ZNF892: variants seen among roughly 807,000 people sequenced by gnomAD.
ZNF892 encodes the protein zinc finger protein 892.
chr2:95,251,027 T>C, the ZNF892 span, among the ~76,000 whole-genome samples: 2 of 150,070 alleles, frequency 1.3e-5, no homozygotes, highest in Non-Finnish European at 3.0e-5. Flanking sequence ...ATTTATGTAA[T>C]AAATGCTTAA....
the ZNF892 span, among the ~76,000 whole-genome samples, chr2:95,247,452 A>G: frequency 6.6e-6 from 1 of 152,178 alleles, no homozygotes; most frequent in Admixed American, 6.5e-5. Context: ...GCCTCAGGAA[A>G]GAATATATGA....
At chr2:95,229,371 C>T in the ZNF892 span, among the ~76,000 whole-genome samples, 1 of 152,064 alleles carries the variant, frequency 6.6e-6, no homozygotes, top group Non-Finnish European at 1.5e-5. Flanking sequence ...AACAACTAAC[C>T]ATACAGACCC....
chr2:95,231,036 A>T, the ZNF892 span, among the ~76,000 whole-genome samples: 2 of 152,212 alleles, frequency 1.3e-5, no homozygotes, highest in African/African-American at 4.8e-5. Context: ...AAATGGTTTG[A>T]TAATTTCTTA....
the ZNF892 span, among the ~76,000 whole-genome samples, chr2:95,208,237 A>G: frequency 2.6e-5 from 4 of 152,162 alleles, no homozygotes; most frequent in African/African-American, 9.7e-5. Context: ...CATAAGACGC[A>G]TCACTTTTCT....
the ZNF892 span, among the ~76,000 whole-genome samples, chr2:95,213,702 T>C: frequency 6.6e-6 from 1 of 152,254 alleles, no homozygotes; most frequent in East Asian, 1.9e-4. Flanking sequence ...ATAAGCTTTG[T>C]GGTCATTTGA....
At chr2:95,249,397 C>T in the ZNF892 span, among the ~76,000 whole-genome samples, 1 of 148,744 alleles carries the variant, frequency 6.7e-6, no homozygotes, top group East Asian at 2.0e-4. Flanking sequence ...CCCGCCACCA[C>T]TCCTGGCTAT....
At chr2:95,257,822 G>A in the ZNF892 span, among the ~76,000 whole-genome samples, 1 of 152,152 alleles carries the variant, frequency 6.6e-6, no homozygotes, top group Non-Finnish European at 1.5e-5. Context: ...TCAGACTGCT[G>A]TGCTAGCAAT....
chr2:95,245,751 A>G, the ZNF892 span, among the ~76,000 whole-genome samples: 1 of 152,168 alleles, frequency 6.6e-6, no homozygotes, highest in African/African-American at 2.4e-5. Flanking sequence ...TATGCACATA[A>G]ACTAGAAAAT....
chr2:95,259,147 G>A, the ZNF892 span: 8 of 152,256 alleles, frequency 5.3e-5, no homozygotes, highest in South Asian at 2.1e-4. Context: ...CACCTTTCAC[G>A]TGGGAGTTTT....
chr2:95,212,785 C>G, the ZNF892 span, among the ~76,000 whole-genome samples: 1 of 152,148 alleles, frequency 6.6e-6, no homozygotes, highest in Non-Finnish European at 1.5e-5. Context: ...TGACCTTTAA[C>G]AAATGACTTG....
the ZNF892 span, among the ~76,000 whole-genome samples, chr2:95,258,010 G>A: frequency 6.1e-4 from 93 of 152,238 alleles, no homozygotes; most frequent in Non-Finnish European, 1.2e-3. Context: ...GACCCCTTGC[G>A]CTTCCCGGGT....
chr2:95,216,486 A>AT, the ZNF892 span, among the ~76,000 whole-genome samples: 34 of 152,206 alleles, frequency 2.2e-4, no homozygotes, highest in African/African-American at 7.9e-4. Flanking sequence ...TGTACCTTAG[A>AT]TTTTTTTATA....
At chr2:95,214,642 A>C in the ZNF892 span, 1 of 400,872 alleles carries the variant, frequency 2.5e-6, no homozygotes, top group East Asian at 3.6e-5. Flanking sequence ...AATAACTTAA[A>C]ACAAAATTCA....
the ZNF892 span, among the ~76,000 whole-genome samples, chr2:95,235,186 A>G: frequency 1.3e-5 from 2 of 152,306 alleles, no homozygotes; most frequent in South Asian, 2.1e-4. Flanking sequence ...AGACTTTCAC[A>G]AAGATTAATA....
chr2:95,229,168 C>T, the ZNF892 span, among the ~76,000 whole-genome samples: 125 of 152,300 alleles, frequency 8.2e-4, no homozygotes, highest in Non-Finnish European at 2.9e-4. Flanking sequence ...GAGGCTGTGT[C>T]ATGGGCATGT....
chr2:95,262,401 G>A, the ZNF892 span, among the ~76,000 whole-genome samples: 2 of 152,136 alleles, frequency 1.3e-5, no homozygotes, highest in Non-Finnish European at 2.9e-5. Context: ...CAGAGTGCCC[G>A]GCCGAAAGTT....
the ZNF892 span, among the ~76,000 whole-genome samples, chr2:95,220,082 A>G: frequency 6.6e-6 from 1 of 152,142 alleles, no homozygotes; most frequent in African/African-American, 2.4e-5. Context: ...GGACGCTGCC[A>G]GGGCAATGTG....
the ZNF892 span, among the ~76,000 whole-genome samples, chr2:95,261,776 C>T: frequency 6.6e-6 from 1 of 152,168 alleles, no homozygotes; most frequent in African/African-American, 2.4e-5. Context: ...TGGGCTGAGC[C>T]ATCTAGTTGA....
At chr2:95,257,464 G>A in the ZNF892 span, among the ~76,000 whole-genome samples, 2 of 152,128 alleles carry the variant, frequency 1.3e-5, no homozygotes, top group Non-Finnish European at 2.9e-5. Context: ...GCCATGTGAG[G>A]TGTCATTCTG....
Sources: allele counts gnomAD v4.1 joint callset (sites outside exome capture counted in the v4.1 genomes callset), GRCh38; gene constraint gnomAD v4.1.1; transcripts MANE v1.5; gene names NCBI Gene and HGNC (gene_info 2026-07-23, HGNC 2026-07-21).